The following LRP2 variants were observed in gnomAD, a reference collection of about 807,000 sequenced individuals.
LRP2 encodes LDL receptor related protein 2.
LRP2 carries 172 observed loss-of-function variants against 531.0 expected under a neutral mutation model. That is an observed-to-expected ratio of 0.32 (90% CI 0.29 to 0.37). The LOEUF is 0.37. LRP2 is among the 10% of genes least tolerant of loss of function. The pLI is 1.00. For synonymous variants in LRP2, 1,992 were observed against 2,027.6 expected, an observed-to-expected ratio of 0.98 and a Z score of 0.47; for missense variants, 5,167 against 5,868.3, an observed-to-expected ratio of 0.88 and a Z score of 3.90.
intron 15 of LRP2, among the ~76,000 whole-genome samples, chr2:169,272,343 G>A (rs1291388722): frequency 3.9e-5 from 6 of 152,066 alleles, no homozygotes; most frequent in Admixed American, 3.9e-4. Context: ...GAATATGGAG[G>A]CAGATACAAG....
chr2:169,346,499 T>A (rs773645138), intron 1 of LRP2, among the ~76,000 whole-genome samples: 2 of 152,202 alleles, frequency 1.3e-5, no homozygotes, highest in African/African-American at 4.8e-5. Flanking sequence ...ATGTGTATAT[T>A]CAATTTTATG....
chr2:169,158,853 A>C (rs1029117875), intron 63 of LRP2, among the ~76,000 whole-genome samples: 1 of 115,676 alleles, frequency 8.6e-6, no homozygotes, highest in Non-Finnish European at 1.9e-5. Context: ...CAGTAAAAAA[A>C]AAACAAAAAA....
intron 6 of LRP2, among the ~76,000 whole-genome samples, chr2:169,293,666 C>G (rs1397143121): frequency 7.8e-6 from 1 of 128,100 alleles, no homozygotes; most frequent in African/African-American, 3.0e-5. Flanking sequence ...CAAAGCAAAA[C>G]TCCATCTCCA....
intron 62 of LRP2, among the ~76,000 whole-genome samples, chr2:169,163,345 G>A (rs1177063099): frequency 6.6e-6 from 1 of 152,072 alleles, no homozygotes; most frequent in Non-Finnish European, 1.5e-5. Context: ...CTTACAAGCA[G>A]AAATAAAATA....
intron 3 of LRP2, 28 bp from the exon 4 acceptor site, chr2:169,307,425 T>G: frequency 9.7e-6 from 12 of 1,233,146 alleles, no homozygotes; most frequent in Non-Finnish European, 1.4e-5. Flanking sequence ...TATTACTTAA[T>G]TTATAATTAT....
At chr2:169,287,352 T>C (rs969187446) in intron 9 of LRP2, among the ~76,000 whole-genome samples, 1 of 152,160 alleles carries the variant, frequency 6.6e-6, no homozygotes, top group Non-Finnish European at 1.5e-5. Flanking sequence ...AAGTACCTTG[T>C]TGAATATAGT....
chr2:169,169,782 G>A lies in LRP2; in HGVS notation c.11417C>T (p.Thr3806Ile). The A allele has an allele frequency of 6.2e-7, 1 of 1,613,938 alleles. No homozygotes were observed. Among genetic ancestry groups the A allele is most frequent in the Non-Finnish European group, 8.5e-7 (1 of 1,179,860 alleles). ...TTCACTGTGTACACAATGTCCACTT[G>A]TACACTGAAAATATTCAGGATGGCA... ...RTCHPEYFQCTSGHCVHSELK... is the reference protein window; with the variant it reads ...RTCHPEYFQCISGHCVHSELK... Residue 3806 changes from threonine to isoleucine, a missense_variant, in exon 60 of 79, where the codon ACA becomes ATA. Around this residue, in one of 6 missense-constraint regions of LRP2, gnomAD observed 564 missense variants for 747.7 expected, o/e 0.75. Transcript: ENST00000649046.
chr2:169,360,421 C>T (rs1686118627), intron 1 of LRP2, among the ~76,000 whole-genome samples: 2 of 143,638 alleles, frequency 1.4e-5, no homozygotes, highest in Admixed American at 1.4e-4. Context: ...TTACTATACA[C>T]ATTATTATTA....
At chr2:169,305,262 T>C (rs940230693) in intron 4 of LRP2, among the ~76,000 whole-genome samples, 1 of 152,182 alleles carries the variant, frequency 6.6e-6, no homozygotes, top group Non-Finnish European at 1.5e-5. Context: ...GGTCATGGTA[T>C]GGATGGAAGC....
intron 8 of LRP2, among the ~76,000 whole-genome samples, chr2:169,290,312 C>T (rs1288577718): frequency 8.6e-5 from 10 of 115,752 alleles, no homozygotes; most frequent in African/African-American, 3.2e-4. Flanking sequence ...CAGACAAGGC[C>T]TTTTTCCATA....
rs1447679875 is a variant in LRP2, at chr2:169,138,623, A to C, written c.13472T>G (p.Val4491Gly). The C allele has an allele frequency of 1.9e-6, 3 of 1,613,908 alleles. No individual in the cohort carries two copies. In the African/African-American group the frequency reaches 4.0e-5, roughly 22 times the overall value. ...AGCAGTCTCAGGTCCAAAACCAGAC[A>C]CTCCAATATCCATGTTAAGATCTGC... is the stretch of plus-strand genomic sequence containing the variant. ...SGADLNMDIG[V>G]SGFGPETAID... Residue 4491 changes from valine (V) to glycine (G), a missense_variant, in exon 75 of 79, where the codon GTG becomes GGG. Val to Gly is a moderately radical substitution (Grantham distance 109, BLOSUM62 -3). This residue lies in a region of LRP2 where 348 missense variants were observed against 369.3 expected (regional missense o/e 0.94). Coordinates refer to ENST00000649046, the MANE Select transcript of LRP2 (RefSeq NM_004525.3).
chr2:169,265,505 G>A (rs1690763393), intron 16 of LRP2, among the ~76,000 whole-genome samples: 1 of 152,004 alleles, frequency 6.6e-6, no homozygotes, highest in African/African-American at 2.4e-5. Flanking sequence ...GGAAACAGAG[G>A]AAGATTAATT....
chr2:169,312,249 T>C (rs1280979748), intron 3 of LRP2, among the ~76,000 whole-genome samples: 1 of 152,106 alleles, frequency 6.6e-6, no homozygotes, highest in African/African-American at 2.4e-5. Context: ...GTCATTATGA[T>C]GTTAGCTGGT....
chr2:169,280,597 T>C (rs1683677995), intron 10 of LRP2, 78 bp from the exon 11 acceptor site: 1 of 1,408,434 alleles, frequency 7.1e-7, no homozygotes, highest in African/African-American at 1.4e-5. Context: ...TGATATGCTT[T>C]CTGCTTTTTC....
intron 16 of LRP2, among the ~76,000 whole-genome samples, chr2:169,269,408 A>C (rs542297030): frequency 8.9e-4 from 135 of 152,344 alleles, no homozygotes; most frequent in African/African-American, 3.2e-3. Flanking sequence ...AAACAGAGAT[A>C]TAGACCAATG....
rs114570354 is a variant in LRP2, at chr2:169,164,210, C to G, written c.11759-1610G>C. Among the ~76,000 whole-genome samples the G allele has an allele frequency of 9.5e-3, 1,449 of 152,306 alleles. 22 individuals are homozygous for G. The highest frequency in any genetic ancestry group is 0.033 in the African/African-American group (1,378 of 41,562). On this transcript the variant is annotated intron_variant, in intron 62 of 78. Coordinates refer to ENST00000649046, the MANE Select transcript of LRP2 (RefSeq NM_004525.3). ...AGTGTTTATTTCTATTGTGTTGCCC[C>G]TGTTCCGCCAATACCTATCAGGCAC...
rs778298813 is a variant in LRP2, at chr2:169,207,063, G to A, written c.6657C>T (p.Phe2219=). 4 of 1,613,968 alleles carry A rather than the reference G, an allele frequency of 2.5e-6. No individual in the cohort carries two copies. The highest frequency in any genetic ancestry group is 3.4e-6 in the Non-Finnish European group (4 of 1,179,852). ...GCACTGTTCGATTGGTACAGTCAAG[G>A]AAAGAACGCTCAATCTTTGGTCTCT... ...YGQRPKIERS[F]LDCTNRTVLV... is the part of the protein sequence containing the mutation. The change falls in exon 39 of 79, where the codon TTC becomes TTT. Residue 2219 remains phenylalanine (F), a synonymous_variant. Coordinates refer to ENST00000649046, the MANE Select transcript of LRP2 (RefSeq NM_004525.3).
intron 49 of LRP2, among the ~76,000 whole-genome samples, chr2:169,187,019 T>C (rs1687657401): frequency 6.6e-6 from 1 of 152,182 alleles, no homozygotes; most frequent in Non-Finnish European, 1.5e-5. Flanking sequence ...TTATAGAAGT[T>C]TTTCTTACAA....
At chr2:169,299,618 A>C (rs1331795009) in intron 4 of LRP2, among the ~76,000 whole-genome samples, 3 of 152,130 alleles carry the variant, frequency 2.0e-5, no homozygotes, top group African/African-American at 7.2e-5. Flanking sequence ...CAAATGCTCC[A>C]AGGAATAGTA....
Sources: gnomAD v4.1 joint callset for allele counts (sites outside exome capture counted in the v4.1 genomes callset) on GRCh38, gnomAD v4.1.1 for gene constraint, gnomAD v4.1.1 regional missense constraint, MANE v1.5 for transcripts, NCBI Gene and HGNC (gene_info 2026-07-23, HGNC 2026-07-21) for gene names.